The following GON4L variants were observed in gnomAD, a reference collection of about 807,000 sequenced individuals.
GON4L encodes GON-4-like protein.
Under a neutral mutation model 211.8 loss-of-function variants are expected in GON4L, and 87 were observed. The observed-to-expected ratio is 0.41, with a 90% CI of 0.35 to 0.49. The LOEUF (loss-of-function observed/expected upper bound fraction) is 0.49, where lower values mean the gene tolerates loss of function less well. GON4L is among the 20% of genes least tolerant of loss of function. The pLI is 0.15. For synonymous variants in GON4L, 875 were observed against 962.6 expected (o/e 0.91, Z 1.68); for missense variants, 2,155 against 2,659.5 (o/e 0.81, Z 4.17).
At chr1:155,794,909 A>T (rs1665927775) in intron 12 of GON4L, 141 bp downstream of exon 12, 1 of 683,096 alleles carries the variant, frequency 1.5e-6, no homozygotes, top group African/African-American at 1.8e-5. Context: ...AAATTTAAAG[A>T]ATCAGATCAA....
intron 6 of GON4L, among the ~76,000 whole-genome samples, chr1:155,818,952 C>A (rs1483657054): frequency 6.7e-6 from 1 of 149,992 alleles, no homozygotes; most frequent in African/African-American, 2.5e-5. Flanking sequence ...GAGCTGAGAT[C>A]GCACCACTGC....
intron 11 of GON4L, among the ~76,000 whole-genome samples, chr1:155,797,992 G>T (rs1666244313): frequency 6.6e-6 from 1 of 151,250 alleles, no homozygotes; most frequent in Admixed American, 6.6e-5. Context: ...GAGCTGGAAG[G>T]ACTGCTTGAG....
intron 21 of GON4L, chr1:155,764,588 C>T (rs969913876): frequency 5.2e-5 from 20 of 386,568 alleles, no homozygotes; most frequent in Non-Finnish European, 7.3e-5. Flanking sequence ...TACAGGTGTC[C>T]GCCACCATGC....
At chr1:155,819,965 A>T (rs940159692) in intron 6 of GON4L, among the ~76,000 whole-genome samples, 2 of 152,144 alleles carry the variant, frequency 1.3e-5, no homozygotes, top group Admixed American at 6.6e-5. Context: ...CCCAGGCTGT[A>T]GTGCAGTGGT....
chr1:155,852,180 AAAAAG>A (rs1198268824), intron 2 of GON4L, among the ~76,000 whole-genome samples: 2 of 151,552 alleles, frequency 1.3e-5, no homozygotes, highest in African/African-American at 2.4e-5. Flanking sequence ...AAAAAAAAAA[AAAAAG>A]AAGTCATCTC....
chr1:155,774,695 C>T (rs2686257), intron 17 of GON4L: 28 of 453,204 alleles, frequency 6.2e-5, no homozygotes, highest in South Asian at 1.1e-4. Flanking sequence ...CAGTTTATCT[C>T]GATCTGACTC....
chr1:155,814,273 T>TA (rs1401283564), intron 9 of GON4L, 57 bp downstream of exon 9: 9 of 1,511,898 alleles, frequency 6.0e-6, no homozygotes, highest in Middle Eastern at 3.4e-4. Flanking sequence ...CTTATACAGT[T>TA]AAAAAATCTA....
intron 3 of GON4L, 21 bp from the exon 4 acceptor site, chr1:155,822,497 T>C: frequency 6.3e-7 from 1 of 1,582,586 alleles, no homozygotes; most frequent in Non-Finnish European, 8.7e-7. Context: ...ACCAAGAACA[T>C]CATCAGAATT....
intron 10 of GON4L, among the ~76,000 whole-genome samples, chr1:155,808,187 C>T (rs188329324): frequency 6.6e-6 from 1 of 152,070 alleles, no homozygotes; most frequent in East Asian, 1.9e-4. Context: ...CAGGTGTGCG[C>T]CACCACACCC....
chr1:155,842,944 G>A (rs1670912108), intron 2 of GON4L, among the ~76,000 whole-genome samples: 2 of 152,158 alleles, frequency 1.3e-5, no homozygotes, highest in Admixed American at 6.5e-5. Flanking sequence ...TCCCACTGCT[G>A]TTAAACTTCG....
At chr1:155,807,091 C>A (rs375557153) in intron 10 of GON4L, among the ~76,000 whole-genome samples, 635 of 119,030 alleles carry the variant, frequency 5.3e-3, no homozygotes, top group African/African-American at 5.8e-3. Flanking sequence ...AGAGACATCT[C>A]AAAAAAAAAA....
At chr1:155,771,902 G>C (rs570636468) in intron 18 of GON4L, among the ~76,000 whole-genome samples, 5 of 152,144 alleles carry the variant, frequency 3.3e-5, no homozygotes, top group Non-Finnish European at 7.3e-5. Context: ...AATGGCTCAC[G>C]CCTGTAATCC....
chr1:155,816,372 A>G (rs890615902), intron 6 of GON4L, 110 bp from the exon 7 acceptor site: 3 of 658,786 alleles, frequency 4.6e-6, no homozygotes, highest in Non-Finnish European at 5.6e-6. Context: ...AAGTAACTGC[A>G]GTGATCTAGA....
At chr1:155,842,836 C>T (rs1325131574) in intron 2 of GON4L, among the ~76,000 whole-genome samples, 1 of 137,568 alleles carries the variant, frequency 7.3e-6, no homozygotes, top group Non-Finnish European at 1.6e-5. Context: ...GACTTCATCT[C>T]AAAAAAAAAA....
rs1453238051 is a variant in GON4L, at chr1:155,765,782, T to A, written c.3691A>T (p.Ile1231Phe). The A allele has an allele frequency of 1.2e-6, 2 of 1,614,164 alleles. No homozygotes were observed. Among genetic ancestry groups the A allele is most frequent in the South Asian group, 2.2e-5 (2 of 91,086 alleles). ...TCCCCATCAGCCACAGCACAAGCAATGTCCACATTCACGTGGGCCTTATCT... is the reference window on the plus strand; with the variant it reads ...TCCCCATCAGCCACAGCACAAGCAAAGTCCACATTCACGTGGGCCTTATCT... ...PEDKAHVNVDIACAVADGENA... is the reference protein window; with the variant it reads ...PEDKAHVNVDFACAVADGENA... The change falls in exon 21 of 32, where the codon ATT becomes TTT. Residue 1231 changes from isoleucine to phenylalanine, a missense_variant. Physicochemically the swap from Ile to Phe is conservative, Grantham distance 21 (BLOSUM62 0). Transcript: ENST00000368331.
At chr1:155,780,185 G>A (rs1206663632) in intron 14 of GON4L, among the ~76,000 whole-genome samples, 1 of 152,202 alleles carries the variant, frequency 6.6e-6, no homozygotes, top group Admixed American at 6.5e-5. Context: ...GTTCTGTTCA[G>A]GTAAACTATC....
At chr1:155,815,724 C>T (rs1180502177) in intron 8 of GON4L, 81 bp downstream of exon 8, 1 of 827,892 alleles carries the variant, frequency 1.2e-6, no homozygotes, top group Non-Finnish European at 2.1e-6. Flanking sequence ...TGTCTCAATC[C>T]TCTCTACAAG....
chr1:155,800,729 G>A (rs1666568459), intron 11 of GON4L, among the ~76,000 whole-genome samples: 1 of 151,638 alleles, frequency 6.6e-6, no homozygotes, highest in Admixed American at 6.6e-5. Context: ...GCGCGTACCT[G>A]TAGTCCCAGC....
chr1:155,804,559 G>A (rs577665208), intron 11 of GON4L, among the ~76,000 whole-genome samples: 2 of 152,192 alleles, frequency 1.3e-5, no homozygotes, highest in South Asian at 4.1e-4. Context: ...CAAGGTAGGA[G>A]GATTGTTTGA....
Sources: allele counts gnomAD v4.1 joint callset (sites outside exome capture counted in the v4.1 genomes callset), GRCh38; gene constraint gnomAD v4.1.1; transcripts MANE v1.5; gene names NCBI Gene and HGNC (gene_info 2026-07-23, HGNC 2026-07-21).